The following TSHZ2 variants were observed in gnomAD, a reference collection of about 807,000 sequenced individuals.
The protein encoded by TSHZ2 is teashirt zinc finger homeobox 2.
TSHZ2 carries 21 observed loss-of-function variants against 74.4 expected under a neutral mutation model. The ratio of observed to expected loss-of-function variants is 0.28; its 90% CI spans 0.20 to 0.41. The LOEUF (loss-of-function observed/expected upper bound fraction) is 0.41, where lower values mean the gene tolerates loss of function less well. Among genes scored for constraint, TSHZ2 ranks in the 10% least tolerant of loss-of-function variants. The pLI is 1.00. For synonymous variants in TSHZ2, 540 were observed against 515.3 expected, an observed-to-expected ratio of 1.05 and a Z score of -0.65; for missense variants, 1,244 against 1,293.5, an observed-to-expected ratio of 0.96 and a Z score of 0.59.
intron 1 of TSHZ2, among the ~76,000 whole-genome samples, chr20:53,135,537 G>A (rs1479024079): frequency 1.3e-5 from 2 of 152,158 alleles, no homozygotes; most frequent in Non-Finnish European, 2.9e-5. Flanking sequence ...TTGTTGATGG[G>A]TTCTCCCAAG....
intron 2 of TSHZ2, among the ~76,000 whole-genome samples, chr20:53,442,400 C>T (rs963999581): frequency 6.6e-6 from 1 of 152,074 alleles, no homozygotes; most frequent in African/African-American, 2.4e-5. Context: ...TTAAATAGGC[C>T]ACTCGAAGCT....
intron 2 of TSHZ2, among the ~76,000 whole-genome samples, chr20:53,443,021 G>T (rs1370184407): frequency 1.3e-5 from 2 of 152,184 alleles, no homozygotes; most frequent in Non-Finnish European, 2.9e-5. Flanking sequence ...AGAGAACACT[G>T]AGTATGTTAA....
intron 1 of TSHZ2, among the ~76,000 whole-genome samples, chr20:53,064,537 G>A (rs1174820921): frequency 6.6e-6 from 1 of 152,064 alleles, no homozygotes; most frequent in Non-Finnish European, 1.5e-5. Context: ...GGAGGCTGAG[G>A]CAAGAGGATT....
chr20:53,111,143 T>C (rs1464407920), intron 1 of TSHZ2, among the ~76,000 whole-genome samples: 1 of 152,106 alleles, frequency 6.6e-6, no homozygotes, highest in African/African-American at 2.4e-5. Context: ...AAAATGATAA[T>C]TTGATATAAA....
intron 1 of TSHZ2, among the ~76,000 whole-genome samples, chr20:53,045,685 T>C (rs969080910): frequency 5.3e-5 from 8 of 152,218 alleles, no homozygotes; most frequent in Admixed American, 5.2e-4. Flanking sequence ...GCTTCGAATC[T>C]GGGAACCACC....
chr20:53,430,043 T>C (rs1196889474), intron 2 of TSHZ2, among the ~76,000 whole-genome samples: 1 of 152,160 alleles, frequency 6.6e-6, no homozygotes, highest in East Asian at 1.9e-4. Context: ...TCACTCCCAA[T>C]TGAAAAACCC....
At chr20:53,136,337 T>C (rs1017355681) in intron 1 of TSHZ2, among the ~76,000 whole-genome samples, 1 of 152,196 alleles carries the variant, frequency 6.6e-6, no homozygotes, top group African/African-American at 2.4e-5. Flanking sequence ...TATTGGTGCA[T>C]GCATTTACCA....
chr20:53,472,263 G>C (rs575095400), intron 2 of TSHZ2, among the ~76,000 whole-genome samples: 5 of 152,332 alleles, frequency 3.3e-5, no homozygotes, highest in Admixed American at 3.3e-4. Flanking sequence ...GCAGATAGGC[G>C]CAGGCCTGAA....
intron 1 of TSHZ2, among the ~76,000 whole-genome samples, chr20:53,042,353 C>A (rs969420828): frequency 4.6e-5 from 7 of 152,164 alleles, no homozygotes; most frequent in Admixed American, 2.6e-4. Context: ...TTTGGCGTTA[C>A]TTTTTCTGAA....
chr20:53,323,698 C>T (rs181067218), intron 2 of TSHZ2, among the ~76,000 whole-genome samples: 20 of 150,300 alleles, frequency 1.3e-4, no homozygotes, highest in South Asian at 4.2e-4. Flanking sequence ...GCCTCACCCT[C>T]CTGAGTAGCT....
Position 53,371,392 on chromosome 20 carries a change from G to A in TSHZ2, c.*8+114821G>A, listed in dbSNP as rs143803485. ...ATGATGAATGTGAGAGAGTTCATAC[G>A]GGTTTCCAAACAGGATTGTCCTGGC... On this transcript the variant is annotated intron_variant, in intron 2 of 2. Coordinates refer to ENST00000371497, the MANE Select transcript of TSHZ2 (RefSeq NM_173485.6). Among the ~76,000 whole-genome samples the A allele has an allele frequency of 2.5e-3, 383 of 152,298 alleles. 3 individuals are homozygous for A. The highest frequency in any genetic ancestry group is 8.2e-3 in the African/African-American group (342 of 41,564).
chr20:53,158,248 G>T (rs1987843883), intron 1 of TSHZ2, among the ~76,000 whole-genome samples: 4 of 152,186 alleles, frequency 2.6e-5, no homozygotes, highest in Admixed American at 2.6e-4. Flanking sequence ...GGGGCAGACT[G>T]TGCAGAACCT....
intron 2 of TSHZ2, among the ~76,000 whole-genome samples, chr20:53,478,702 A>T (rs1482008239): frequency 6.6e-6 from 1 of 151,822 alleles, no homozygotes; most frequent in Non-Finnish European, 1.5e-5. Context: ...TTTAGTTATC[A>T]GATTAAAAAA....
At chr20:53,053,377 T>C (rs987722303) in intron 1 of TSHZ2, among the ~76,000 whole-genome samples, 1 of 152,170 alleles carries the variant, frequency 6.6e-6, no homozygotes, top group African/African-American at 2.4e-5. Flanking sequence ...CCTCATAACA[T>C]TCAGAATTTC....
At chr20:53,437,311 A>G (rs1326761184) in intron 2 of TSHZ2, among the ~76,000 whole-genome samples, 1 of 152,026 alleles carries the variant, frequency 6.6e-6, no homozygotes, top group Non-Finnish European at 1.5e-5. Flanking sequence ...TGTGTCTACT[A>G]AAAATACAAA....
At chr20:53,371,989 C>T (rs950108183) in intron 2 of TSHZ2, among the ~76,000 whole-genome samples, 2 of 152,162 alleles carry the variant, frequency 1.3e-5, no homozygotes, top group African/African-American at 4.8e-5. Context: ...TCCCTGGTGC[C>T]CCTCGGCTTG....
intron 1 of TSHZ2, among the ~76,000 whole-genome samples, chr20:53,195,510 AG>A (rs1988842327): frequency 6.6e-6 from 1 of 152,138 alleles, no homozygotes; most frequent in Non-Finnish European, 1.5e-5. Context: ...ATGGTGCTTG[AG>A]GGGCTCAGGA....
chr20:53,266,543 G>A (rs1990719951), intron 2 of TSHZ2, among the ~76,000 whole-genome samples: 1 of 152,016 alleles, frequency 6.6e-6, no homozygotes, highest in Admixed American at 6.6e-5. Context: ...CAATTACCTT[G>A]GCTTTTCTGA....
chr20:53,004,561 A>C (rs1248415479), intron 1 of TSHZ2, among the ~76,000 whole-genome samples: 1 of 152,212 alleles, frequency 6.6e-6, no homozygotes, highest in Non-Finnish European at 1.5e-5. Flanking sequence ...TTAGCAGTCC[A>C]GACCTGCCGG....
Sources: gnomAD v4.1 joint callset for allele counts (sites outside exome capture counted in the v4.1 genomes callset) on GRCh38, gnomAD v4.1.1 for gene constraint, MANE v1.5 for transcripts, NCBI Gene and HGNC (gene_info 2026-07-23, HGNC 2026-07-21) for gene names.